Variants in PSG2 observed in about 807,000 individuals in gnomAD.
The protein encoded by PSG2 is pregnancy specific beta-1-glycoprotein 2, also known as pregnancy-specific beta-1-glycoprotein 2.
A neutral mutation model predicts 36.2 loss-of-function variants in PSG2; 49 were observed. The observed-to-expected ratio is 1.35, with a 90% CI of 1.08 to 1.72. The LOEUF is 1.72. Ranked by LOEUF, PSG2 falls within the 40% of genes most tolerant of loss-of-function variation. PSG2 has a pLI of 0.00. For synonymous variants in PSG2, 261 were observed against 155.6 expected (o/e 1.68, Z -5.04); for missense variants, 605 against 407.2 (o/e 1.49, Z -4.18).
chr19:43,071,224 C>G (rs1009241880), intron 4 of PSG2, among the ~76,000 whole-genome samples: 2 of 151,710 alleles, frequency 1.3e-5, no homozygotes, highest in African/African-American at 4.9e-5. Flanking sequence ...CAGAGCAGAG[C>G]AGGAAGCAGA....
chr19:43,071,677 C>T (rs1163155860), intron 4 of PSG2, 23 bp downstream of exon 4: 6 of 1,612,664 alleles, frequency 3.7e-6, no homozygotes, highest in Non-Finnish European at 4.2e-6. Context: ...ACCCTACTGC[C>T]AAGGATGCTG....
In PSG2 at chr19:43,075,537, T is replaced by C. The variant is rs16976431; in HGVS notation, c.526A>G (p.Thr176Ala). 1.3e-3 allele frequency: 2,168 copies of C among 1,613,286 alleles called. 56 individuals carry two copies. In the South Asian group the frequency reaches 0.022, roughly 17 times the overall value. Residue 176 changes from threonine (T) to alanine (A), a missense_variant, in exon 3 of 6, where the codon ACA becomes GCA. Coordinates refer to ENST00000406487, the MANE Select transcript of PSG2 (RefSeq NM_031246.4). ...CCATTCATCCACCACTGGTAGCTTGTGTCCGGAGTCTCAGGATCACAGGTT... is the reference window on the plus strand; with the variant it reads ...CCATTCATCCACCACTGGTAGCTTGCGTCCGGAGTCTCAGGATCACAGGTT... ...ILTCDPETPD[T>A]SYQWWMNGQS...
At chr19:43,077,628 A>G (rs1967915736) in intron 2 of PSG2, among the ~76,000 whole-genome samples, 1 of 151,672 alleles carries the variant, frequency 6.6e-6, no homozygotes, top group African/African-American at 2.4e-5. Context: ...CAGGCAGTAA[A>G]ACCATCAGAT....
At position 43,075,540 on chromosome 19, in the gene PSG2, C is replaced by T. The variant is rs779897183; in HGVS notation, c.523G>A (p.Asp175Asn). The T allele has an allele frequency of 1.9e-6, 3 of 1,613,110 alleles. No individual in the cohort carries two copies. In the African/African-American group the frequency reaches 4.0e-5, roughly 22 times the overall value. The stretch of plus-strand genomic sequence containing the variant: ...TTCATCCACCACTGGTAGCTTGTGT[C>T]CGGAGTCTCAGGATCACAGGTTAAG... ...VILTCDPETP[D>N]TSYQWWMNGQ... Residue 175 changes from aspartate to asparagine, a missense_variant, in exon 3 of 6, where the codon GAC becomes AAC. Asp to Asn is a conservative substitution (Grantham distance 23). Coordinates refer to ENST00000406487, the MANE Select transcript of PSG2 (RefSeq NM_031246.4).
rs916325576 is a variant in PSG2, at chr19:43,072,050, C to T, written c.710-96G>A. ...GACACAGTGACCCTCTGAGACAAGACACATCCTCAAGTCCCAGCAAAACCC... is the reference window on the plus strand; with the variant it reads ...GACACAGTGACCCTCTGAGACAAGATACATCCTCAAGTCCCAGCAAAACCC... On this transcript the variant is annotated intron_variant, in intron 3 of 5. Transcript: ENST00000406487. 7 of 1,504,260 alleles carry T rather than the reference C, an allele frequency of 4.7e-6. No individual in the cohort carries two copies. The East Asian group carries it at 1.4e-4, about 29-fold the overall frequency. 93.2% of individuals were successfully genotyped at this position (1,504,260 alleles called of 1,614,324 possible). A position where few individuals can be genotyped will look rare whatever the true frequency, so the allele number is the denominator to read the frequency against.
At chr19:43,080,513 C>T (rs114858011) in intron 2 of PSG2, among the ~76,000 whole-genome samples, 2,315 of 151,786 alleles carry the variant, frequency 0.015, 94 homozygotes, top group East Asian at 0.092. Flanking sequence ...TAGGGCTGAG[C>T]TTCTCTGAGA....
rs538043371 is a variant in PSG2 at position 43,068,466 on chromosome 19, A to AAAAG, written c.965-1870_965-1867dup. On this transcript the variant is annotated intron_variant, in intron 4 of 5. Transcript: ENST00000406487. ...CTCTCTCTTTTCAACAAAAAAAAAA[A>AAAAG]AAAGAAAGAAAGAAAGAAAGAAAGA... is the stretch of plus-strand genomic sequence containing the variant. Among the ~76,000 whole-genome samples the AAAAG allele has an allele frequency of 2.7e-3, 399 of 147,114 alleles. 4 individuals are homozygous for AAAAG. Among genetic ancestry groups the AAAAG allele is most frequent in the East Asian group, 9.9e-3 (51 of 5,150 alleles).
At chr19:43,080,451 A>G (rs10425903) in intron 2 of PSG2, among the ~76,000 whole-genome samples, 1 of 151,162 alleles carries the variant, frequency 6.6e-6, no homozygotes, top group Admixed American at 6.6e-5. Context: ...ACAGGCTCCT[A>G]AGCTTTATCT....
intron 4 of PSG2, among the ~76,000 whole-genome samples, chr19:43,069,614 T>C (rs1967788493): frequency 6.6e-6 from 1 of 151,682 alleles, no homozygotes; most frequent in African/African-American, 2.4e-5. Flanking sequence ...GAAGGGACAG[T>C]GTTCTCACCA....
rs1967834013 is a variant in PSG2, at chr19:43,072,490, A to C, written c.710-536T>G. The C allele has an allele frequency of 8.7e-6, 14 of 1,611,132 alleles. 1 individual carries two copies. In the South Asian group the frequency reaches 1.5e-4, roughly 18 times the overall value. On this transcript the variant is annotated intron_variant, in intron 3 of 5. Coordinates refer to ENST00000406487, the MANE Select transcript of PSG2 (RefSeq NM_031246.4). ...TTTCAATGGGTCGCTTTACCCTGGG[A>C]CTGACCGGGAGGCTCTGACCATTTA...
chr19:43,076,878 T>G (rs1967904300), intron 2 of PSG2, among the ~76,000 whole-genome samples: 1 of 151,620 alleles, frequency 6.6e-6, no homozygotes, highest in South Asian at 2.1e-4. Context: ...GCATCCCAAA[T>G]CTGAAAAATT....
Position 43,080,122 on chromosome 19 carries a change from C to T in PSG2, c.430+759G>A, listed in dbSNP as rs570032780. On this transcript the variant is annotated intron_variant, in intron 2 of 5. Transcript: ENST00000406487. ...TTAATTTGCTTCCATGAGAAAGCAC[C>T]GTTACATCAGATCCCTGTGGACAAG... Among the ~76,000 whole-genome samples, 168 of 151,872 alleles carry T rather than the reference C, an allele frequency of 1.1e-3. 7 individuals are homozygous for T. The highest frequency in any genetic ancestry group is 3.4e-3 in the African/African-American group (142 of 41,262).
intron 5 of PSG2, among the ~76,000 whole-genome samples, chr19:43,065,199 C>A (rs1942324258): frequency 6.6e-6 from 1 of 151,434 alleles, no homozygotes; most frequent in African/African-American, 2.4e-5. Context: ...ATCACTTATC[C>A]CTTATTTGAA....
chr19:43,081,349 A>C, intron 1 of PSG2, 103 bp from the exon 2 acceptor site: 1 of 1,213,546 alleles, frequency 8.2e-7, no homozygotes, highest in African/African-American at 2.2e-5. Context: ...TCAGCCTTGA[A>C]GACACACACA....
At chr19:43,073,216 T>C (rs2122904380) in intron 3 of PSG2, among the ~76,000 whole-genome samples, 1 of 151,794 alleles carries the variant, frequency 6.6e-6, no homozygotes, top group Non-Finnish European at 1.5e-5. Flanking sequence ...AGGCACAAGG[T>C]GGGGCAGCTT....
rs376555991 is a variant in PSG2, at chr19:43,081,010, C to T, written c.301G>A (p.Ala101Thr). 43 of 1,612,984 alleles carry T rather than the reference C, an allele frequency of 2.7e-5. 2 individuals are homozygous for T. The highest frequency in any genetic ancestry group is 3.4e-5 in the Non-Finnish European group (40 of 1,179,716). Residue 101 changes from alanine to threonine, a missense_variant, in exon 2 of 6, where the codon GCA becomes ACA. By Grantham distance (58) the Ala-to-Thr change is moderately conservative. Coordinates refer to ENST00000406487, the MANE Select transcript of PSG2 (RefSeq NM_031246.4). ...ATCAGCAGGGATGCATTGGAATATG[C>T]TGTTTCTCGTCCACTATATGCAGGC... ...YGPAYSGRETAYSNASLLIQN... is the reference protein window; with the variant it reads ...YGPAYSGRETTYSNASLLIQN...
intron 4 of PSG2, among the ~76,000 whole-genome samples, chr19:43,068,588 G>A (rs953032754): frequency 6.6e-6 from 1 of 151,268 alleles, no homozygotes; most frequent in African/African-American, 2.4e-5. Flanking sequence ...AGATGAAATA[G>A]ACAAACTCCT....
rs147931887 is a variant in PSG2, at chr19:43,081,233, G to A, written c.78C>T (p.Asn26=). Reference sequence around the variant, plus strand: ...GGGCAGTGGTGGGCAGGTTCCAGAAGTTTAAAAGTGATGCTAGGAGGTGGA... The same window carrying A: ...GGGCAGTGGTGGGCAGGTTCCAGAAATTTAAAAGTGATGCTAGGAGGTGGA... The part of the protein sequence containing the change: ...KGLLVTASLL[N]FWNLPTTAQV... The change falls in exon 2 of 6, where the codon AAC becomes AAT. Residue 26 remains asparagine, a synonymous_variant. Coordinates refer to ENST00000406487, the MANE Select transcript of PSG2 (RefSeq NM_031246.4). 6.2e-7 allele frequency: 1 copy of A among 1,612,088 alleles called. No homozygotes were observed.
At chr19:43,071,646 G>A in intron 4 of PSG2, 54 bp downstream of exon 4, 1 of 1,612,574 alleles carries the variant, frequency 6.2e-7, no homozygotes, top group Non-Finnish European at 8.5e-7. Flanking sequence ...TTCTCTGAAA[G>A]CCAGATAGAC....
Sources: gnomAD v4.1 joint callset for allele counts (sites outside exome capture counted in the v4.1 genomes callset) on GRCh38, gnomAD v4.1.1 for gene constraint, MANE v1.5 for transcripts, NCBI Gene and HGNC (gene_info 2026-07-23, HGNC 2026-07-21) for gene names.